The following GMEB1 variants were observed in gnomAD, a reference collection of about 807,000 sequenced individuals.
The protein encoded by GMEB1 is glucocorticoid modulatory element binding protein 1.
In GMEB1, 6 loss-of-function variants were observed where a neutral mutation model predicts 52.4. The observed-to-expected ratio is 0.11, with a 90% CI of 0.06 to 0.23. The LOEUF (loss-of-function observed/expected upper bound fraction) is 0.23. GMEB1 is among the 10% of genes least tolerant of loss of function. The probability of loss-of-function intolerance (pLI) is 1.00; values close to 1 mark genes in which losing one functional copy is unlikely to be tolerated. For synonymous variants in GMEB1, 255 were observed against 244.9 expected (o/e 1.04, Z -0.38); for missense variants, 486 against 685.6 (o/e 0.71, Z 3.25).
At chr1:28,687,890 G>A (rs981512733) in intron 2 of GMEB1, among the ~76,000 whole-genome samples, 8 of 152,120 alleles carry the variant, frequency 5.3e-5, no homozygotes, top group Admixed American at 4.6e-4. Flanking sequence ...AACAAGGATG[G>A]AGAGTATAGG....
chr1:28,708,765 G>C (rs1670906584), intron 8 of GMEB1, among the ~76,000 whole-genome samples: 1 of 152,088 alleles, frequency 6.6e-6, no homozygotes, highest in South Asian at 2.1e-4. Flanking sequence ...GGAGGCTGAA[G>C]CAGGTGAATC....
chr1:28,671,399 G>A (rs1668878998), intron 1 of GMEB1, among the ~76,000 whole-genome samples: 1 of 152,108 alleles, frequency 6.6e-6, no homozygotes, highest in Non-Finnish European at 1.5e-5. Context: ...CTACAGGTGC[G>A]TGGCACTGCG....
At chr1:28,678,200 A>C (rs1471241568) in intron 1 of GMEB1, among the ~76,000 whole-genome samples, 2 of 152,094 alleles carry the variant, frequency 1.3e-5, no homozygotes, top group Non-Finnish European at 2.9e-5. Flanking sequence ...AAAAAAAAAA[A>C]AAAGAAAGGA....
chr1:28,670,151 C>T (rs1299432199), intron 1 of GMEB1, among the ~76,000 whole-genome samples: 2 of 97,130 alleles, frequency 2.1e-5, no homozygotes, highest in Non-Finnish European at 4.9e-5. Flanking sequence ...TTTGGGGACC[C>T]TTTTTATTTA....
chr1:28,710,886 T>A (rs2124588239), intron 9 of GMEB1, among the ~76,000 whole-genome samples: 1 of 152,230 alleles, frequency 6.6e-6, no homozygotes, highest in East Asian at 1.9e-4. Context: ...TTAAGATGTC[T>A]CTTAGATTGC....
At chr1:28,682,493 C>T (rs1042549100) in intron 1 of GMEB1, among the ~76,000 whole-genome samples, 2 of 151,862 alleles carry the variant, frequency 1.3e-5, no homozygotes, top group Admixed American at 6.6e-5. Flanking sequence ...TAGTGGCGCA[C>T]ACCTGTAATC....
At chr1:28,682,043 T>C (rs1669414510) in intron 1 of GMEB1, among the ~76,000 whole-genome samples, 1 of 152,088 alleles carries the variant, frequency 6.6e-6, no homozygotes, top group African/African-American at 2.4e-5. Flanking sequence ...ATCCATTGTG[T>C]GCCTACTCTG....
chr1:28,710,914 A>G (rs1369941946), intron 9 of GMEB1, among the ~76,000 whole-genome samples: 1 of 152,084 alleles, frequency 6.6e-6, no homozygotes, highest in Non-Finnish European at 1.5e-5. Context: ...ATTCAATAAC[A>G]TTGGTGGCAG....
chr1:28,695,974 A>ATT lies in GMEB1; in HGVS notation c.441-950_441-949dup, dbSNP rs71027287. On this transcript the variant is annotated intron_variant, in intron 5 of 9. Transcript: ENST00000373816. The stretch of plus-strand genomic sequence containing the variant: ...AAAAAAAAAAAAAAAAAAAAAAAAA[A>ATT]TTTTCAGATGATTTGTATGCAGAAA... Among the ~76,000 whole-genome samples, 83 of 117,794 alleles carry ATT rather than the reference A, an allele frequency of 7.0e-4. 2 individuals are homozygous for ATT. The Middle Eastern group carries it at 0.014, about 20-fold the overall frequency. 77.3% of individuals were successfully genotyped at this position (117,794 alleles called of 152,430 possible). A position where few individuals can be genotyped will look rare whatever the true frequency, so the allele number is the denominator to read the frequency against.
chr1:28,680,976 G>A lies in GMEB1; in HGVS notation c.-30-2607G>A, dbSNP rs549313621. ...GGAGAATCACTTGAACCCAGAAGGC[G>A]GAGGTTATAGTGAGCTGAGATTGTG... On this transcript the variant is annotated intron_variant, in intron 1 of 9. Coordinates refer to ENST00000373816, the MANE Select transcript of GMEB1 (RefSeq NM_001319674.2). Among the ~76,000 whole-genome samples, 15 of 152,062 alleles carry A rather than the reference G, an allele frequency of 9.9e-5. 1 individual carries two copies. Among genetic ancestry groups the A allele is most frequent in the Non-Finnish European group, 1.9e-4 (13 of 68,008 alleles).
At chr1:28,669,632 C>G (rs892617593) in intron 1 of GMEB1, among the ~76,000 whole-genome samples, 3 of 152,036 alleles carry the variant, frequency 2.0e-5, no homozygotes, top group African/African-American at 7.2e-5. Context: ...GGTAGGAAGA[C>G]TCCTAGAGCC....
At chr1:28,671,094 G>A (rs1421620890) in intron 1 of GMEB1, among the ~76,000 whole-genome samples, 1 of 152,062 alleles carries the variant, frequency 6.6e-6, no homozygotes, top group Non-Finnish European at 1.5e-5. Flanking sequence ...CAGTGTTTCT[G>A]CATAATTTAC....
rs931610810 is a variant in GMEB1, at chr1:28,716,135, A to G, written c.*1362A>G. On this transcript the variant is annotated 3_prime_UTR_variant, in exon 10 of 10. Transcript: ENST00000373816. Reference sequence around the variant, plus strand: ...AGAAATGGAAAGCCAAGGATGCTGCAGCTGTGCTTTGGGGTTCAAGGTAAT... The same window carrying G: ...AGAAATGGAAAGCCAAGGATGCTGCGGCTGTGCTTTGGGGTTCAAGGTAAT... The G allele has an allele frequency of 1.3e-5, 2 of 152,420 alleles. No homozygotes were observed. Among genetic ancestry groups the G allele is most frequent in the African/African-American group, 4.8e-5 (2 of 41,460 alleles). 9.4% of individuals were successfully genotyped at this position (152,420 alleles called of 1,614,324 possible).
Position 28,718,971 on chromosome 1 carries a change from T to G in GMEB1, c.*4198T>G, listed in dbSNP as rs1169671695. ...TTGATTTTCAAGTAATTGGGCTTAT[T>G]TATTCTAGAGAAAAAGTCTTCAGTC... On this transcript the variant is annotated 3_prime_UTR_variant, in exon 10 of 10. Transcript: ENST00000373816. 5 of 152,198 alleles carry G rather than the reference T, an allele frequency of 3.3e-5. No homozygotes were observed. The highest frequency in any genetic ancestry group is 3.8e-4 in the East Asian group (2 of 5,202). The allele number at this position is 152,198 out of a possible 1,614,324, so 9.4% of individuals were successfully genotyped here.
At chr1:28,668,370 G>C (rs925419440), upstream of GMEB1, among the ~76,000 whole-genome samples, 1 of 151,992 alleles carries the variant, frequency 6.6e-6, no homozygotes, top group Admixed American at 6.6e-5. Context: ...CAGATCTTCT[G>C]ATTGCAAACT....
intron 8 of GMEB1, among the ~76,000 whole-genome samples, chr1:28,709,573 T>TA (rs1049375192): frequency 3.4e-5 from 5 of 148,456 alleles, no homozygotes; most frequent in East Asian, 2.0e-4. Context: ...TGCAAGATAT[T>TA]AAAAAAAAAA....
At chr1:28,694,246 A>G (rs1285736396) in intron 5 of GMEB1, among the ~76,000 whole-genome samples, 7 of 145,010 alleles carry the variant, frequency 4.8e-5, no homozygotes, top group Admixed American at 2.9e-4. Flanking sequence ...GCTGGAGTGC[A>G]GTGGCGCAGT....
chr1:28,686,280 G>A (rs1408482125), intron 2 of GMEB1, among the ~76,000 whole-genome samples: 1 of 152,132 alleles, frequency 6.6e-6, no homozygotes, highest in Non-Finnish European at 1.5e-5. Flanking sequence ...GATTGAGGCT[G>A]CAGTGAGCTG....
At chr1:28,712,464 G>A (rs985799105) in intron 9 of GMEB1, among the ~76,000 whole-genome samples, 4 of 152,166 alleles carry the variant, frequency 2.6e-5, no homozygotes, top group East Asian at 1.9e-4. Flanking sequence ...GATCTTTCTG[G>A]TGACCAGCCC....
Sources: allele counts gnomAD v4.1 joint callset (sites outside exome capture counted in the v4.1 genomes callset), GRCh38; gene constraint gnomAD v4.1.1; transcripts MANE v1.5; gene names NCBI Gene and HGNC (gene_info 2026-07-23, HGNC 2026-07-21).